CTPS1: variants seen among roughly 807,000 people sequenced by gnomAD.
CTPS1 encodes CTP synthase 1.
Under a neutral mutation model 80.5 loss-of-function variants are expected in CTPS1, and 25 were observed. The observed-to-expected ratio is 0.31, with a 90% CI of 0.23 to 0.43. The LOEUF is 0.43. CTPS1 is among the 20% of genes least tolerant of loss of function. CTPS1 has a pLI of 1.00. For synonymous variants in CTPS1, 267 were observed against 252.5 expected, an observed-to-expected ratio of 1.06 and a Z score of -0.54; for missense variants, 442 against 725.7, an observed-to-expected ratio of 0.61 and a Z score of 4.49.
In CTPS1 at chr1:41,012,213, G is replaced by T. The variant is rs1167080046; in HGVS notation, c.*565G>T. 1 of 152,122 alleles carries T rather than the reference G, an allele frequency of 6.6e-6. No homozygotes were observed. Among genetic ancestry groups the T allele is most frequent in the Non-Finnish European group, 1.5e-5 (1 of 68,022 alleles). 9.4% of individuals were successfully genotyped at this position (152,122 alleles called of 1,614,324 possible). A position where few individuals can be genotyped will look rare whatever the true frequency, so the allele number is the denominator to read the frequency against. On this transcript the variant is annotated 3_prime_UTR_variant, in exon 19 of 19. Coordinates refer to ENST00000650070, the MANE Select transcript of CTPS1 (RefSeq NM_001905.4). Reference sequence around the variant, plus strand: ...CTCATTCAAAGGGACGGTCAGTTTGGTGTCAACATGAAACACCAAGATGTC... The same window carrying T: ...CTCATTCAAAGGGACGGTCAGTTTGTTGTCAACATGAAACACCAAGATGTC...
rs1643075324 is a variant in CTPS1 at position 41,007,891 on chromosome 1, G to T, written c.1393+346G>T. On this transcript the variant is annotated intron_variant, in intron 14 of 18. Coordinates refer to ENST00000650070, the MANE Select transcript of CTPS1 (RefSeq NM_001905.4). This position sits in a 1 kb window ranked among gnomAD's most constrained non-coding sequence, Gnocchi z 4.4. ...TGGCAATTTTTGTCACACAAAGATG[G>T]CAATTTCATATGATTCAGCCTAAGT... Among the ~76,000 whole-genome samples the T allele has an allele frequency of 1.3e-5, 2 of 152,300 alleles. No individual in the cohort carries two copies. Among genetic ancestry groups the T allele is most frequent in the South Asian group, 4.1e-4 (2 of 4,822 alleles).
chr1:41,003,262 G>A, intron 12 of CTPS1, 86 bp downstream of exon 12: 1 of 1,475,856 alleles, frequency 6.8e-7, no homozygotes, highest in African/African-American at 1.4e-5. Context: ...GTGATCAGGA[G>A]CTTTGGAGAA....
At chr1:41,005,354 GA>G (rs1643006918) in intron 12 of CTPS1, among the ~76,000 whole-genome samples, 1 of 152,022 alleles carries the variant, frequency 6.6e-6, no homozygotes, top group African/African-American at 2.4e-5. Context: ...TGAGACAGGA[GA>G]ATCGCTTGAG....
At chr1:40,998,086 A>C (rs1302929612) in intron 9 of CTPS1, among the ~76,000 whole-genome samples, 2 of 152,158 alleles carry the variant, frequency 1.3e-5, no homozygotes, top group Non-Finnish European at 2.9e-5. Flanking sequence ...GGGTGGCAGT[A>C]GAGTGTCATG....
At position 40,982,065 on chromosome 1, in the gene CTPS1, A is replaced by G. The variant is rs546642309; in HGVS notation, c.-13-1213A>G. On this transcript the variant is annotated intron_variant, in intron 1 of 18. Transcript: ENST00000650070. ...ACATTTGGGTTTGCTGACCAAATGG[A>G]CGATCCTGGACCTCTGAAGCTGGGG... 39 of 1,155,630 alleles carry G rather than the reference A, an allele frequency of 3.4e-5. No individual in the cohort carries two copies. In the East Asian group the frequency reaches 9.8e-4, roughly 29 times the overall value. The allele number at this position is 1,155,630 out of a possible 1,614,324, so 71.6% of individuals were successfully genotyped here.
chr1:40,991,087 G>T (rs894843371), intron 5 of CTPS1, 78 bp from the exon 6 acceptor site: 7 of 997,780 alleles, frequency 7.0e-6, no homozygotes, highest in Non-Finnish European at 1.1e-5. Flanking sequence ...TATTAAAAGA[G>T]GTTCAAGGAA....
intron 9 of CTPS1, among the ~76,000 whole-genome samples, chr1:40,998,759 T>C (rs1353432386): frequency 2.0e-5 from 3 of 152,196 alleles, no homozygotes; most frequent in Non-Finnish European, 4.4e-5. Flanking sequence ...GCTGAGGTTG[T>C]TAAACAGGCC....
At chr1:41,001,169 A>C in intron 10 of CTPS1, 52 bp downstream of exon 10, 2 of 1,357,258 alleles carry the variant, frequency 1.5e-6, no homozygotes, top group Middle Eastern at 3.6e-4. Flanking sequence ...GTTTGTTTTA[A>C]TGAAAAAGTC....
intron 14 of CTPS1, among the ~76,000 whole-genome samples, chr1:41,008,268 A>G (rs1480779751): frequency 2.0e-5 from 3 of 152,198 alleles, no homozygotes; most frequent in Non-Finnish European, 1.5e-5. Flanking sequence ...TTGGAACTGA[A>G]TGATCATCAG....
At chr1:40,983,549 C>G in intron 2 of CTPS1, 93 bp downstream of exon 2, 1 of 1,105,288 alleles carries the variant, frequency 9.0e-7, no homozygotes, top group Non-Finnish European at 1.3e-6. Flanking sequence ...CTTTTATTTT[C>G]TGCCTTCTAA....
intron 3 of CTPS1, among the ~76,000 whole-genome samples, chr1:40,986,439 C>T (rs1212804577): frequency 6.6e-6 from 1 of 152,196 alleles, no homozygotes; most frequent in Non-Finnish European, 1.5e-5. Context: ...AGTCGCTGGG[C>T]CGCAGCAAGA....
chr1:40,981,376 A>G (rs1393633475), intron 1 of CTPS1: 1 of 152,254 alleles, frequency 6.6e-6, no homozygotes, highest in African/African-American at 2.4e-5. Context: ...CTCTTAGAGT[A>G]AAATTGGGAC....
intron 9 of CTPS1, among the ~76,000 whole-genome samples, chr1:40,998,411 A>C (rs1017882186): frequency 2.0e-5 from 3 of 151,036 alleles, no homozygotes; most frequent in Admixed American, 1.3e-4. Context: ...AAAAAAAAAA[A>C]AAAAAAAAAA....
At position 40,984,819 on chromosome 1, in the gene CTPS1, A is replaced by G; in HGVS notation, c.167-2A>G. 6.5e-7 allele frequency: 1 copy of G among 1,549,342 alleles called. No individual in the cohort carries two copies. The highest frequency in any genetic ancestry group is 8.8e-7 in the Non-Finnish European group (1 of 1,139,368). ...CGTAAATGGTTTCTCTGTTCACTGC[A>G]GGTGAGGTTTTTGTGCTGGATGATG... On this transcript the variant is annotated splice_acceptor_variant, in intron 2 of 18. Coordinates refer to ENST00000650070, the MANE Select transcript of CTPS1 (RefSeq NM_001905.4). LOFTEE classifies it high-confidence loss of function.
intron 13 of CTPS1, among the ~76,000 whole-genome samples, chr1:41,006,770 T>C (rs1643044756): frequency 6.6e-6 from 1 of 152,232 alleles, no homozygotes; most frequent in African/African-American, 2.4e-5. Context: ...GGGACTGCCC[T>C]TGTCACTGAG....
chr1:40,995,075 G>A (rs968527495), intron 7 of CTPS1, among the ~76,000 whole-genome samples: 1 of 152,206 alleles, frequency 6.6e-6, no homozygotes, highest in Non-Finnish European at 1.5e-5. Flanking sequence ...GGTCTGGGGT[G>A]CAGCATGGGC....
chr1:41,002,043 A>C, intron 10 of CTPS1, 117 bp from the exon 11 acceptor site: 1 of 853,228 alleles, frequency 1.2e-6, no homozygotes, highest in Non-Finnish European at 2.0e-6. Flanking sequence ...TCACAGTAGC[A>C]CAATGTATGG....
Position 40,991,155 on chromosome 1 carries a change from T to G in CTPS1, c.556-10T>G. ...AACTAACTTTTTTTTTTTTTTCTTT[T>G]GTGAAATAGCCAAGTTCAACAGGGG... On this transcript the variant is annotated splice_polypyrimidine_tract_variant and intron_variant, in intron 5 of 18. Coordinates refer to ENST00000650070, the MANE Select transcript of CTPS1 (RefSeq NM_001905.4). The G allele has an allele frequency of 6.4e-7, 1 of 1,573,170 alleles. No homozygotes were observed. Among genetic ancestry groups the G allele is most frequent in the South Asian group, 1.2e-5 (1 of 82,604 alleles).
At chr1:40,994,240 G>A (rs947082993) in intron 7 of CTPS1, among the ~76,000 whole-genome samples, 8 of 152,084 alleles carry the variant, frequency 5.3e-5, no homozygotes, top group African/African-American at 1.9e-4. Flanking sequence ...TTAGTTTTAG[G>A]TCTTACATGA....
Sources: allele counts gnomAD v4.1 joint callset (sites outside exome capture counted in the v4.1 genomes callset), GRCh38; gene constraint gnomAD v4.1.1; non-coding constraint Gnocchi (gnomAD v3.1); transcripts MANE v1.5; gene names NCBI Gene and HGNC (gene_info 2026-07-23, HGNC 2026-07-21).